NRXN1: variants seen among roughly 807,000 people sequenced by gnomAD.
The protein encoded by NRXN1 is neurexin-1.
NRXN1 carries 39 observed loss-of-function variants against 150.9 expected under a neutral mutation model. The ratio of observed to expected loss-of-function variants is 0.26; its 90% CI spans 0.20 to 0.34. NRXN1 has a LOEUF of 0.34. NRXN1 is among the 10% of genes least tolerant of loss of function. The probability of loss-of-function intolerance (pLI) is 1.00; values close to 1 mark genes in which losing one functional copy is unlikely to be tolerated. For missense variants in NRXN1, 1,815 were observed against 1,949.9 expected, an observed-to-expected ratio of 0.93 and a Z score of 1.30; for synonymous variants, 924 against 757.0, an observed-to-expected ratio of 1.22 and a Z score of -3.62.
intron 21 of NRXN1, chr2:49,970,720 G>T (rs1292646481): frequency 6.6e-6 from 1 of 152,112 alleles, no homozygotes; most frequent in Non-Finnish European, 1.5e-5. Flanking sequence ...GCTAAAGAAT[G>T]TATAAATCTA....
chr2:50,427,124 A>T (rs1183353733), intron 17 of NRXN1, among the ~76,000 whole-genome samples: 1 of 152,184 alleles, frequency 6.6e-6, no homozygotes, highest in Non-Finnish European at 1.5e-5. Flanking sequence ...TGTTTAAGAT[A>T]CTAAATCACT....
intron 8 of NRXN1, among the ~76,000 whole-genome samples, chr2:50,561,289 TTTC>T (rs1411087917): frequency 2.6e-5 from 4 of 152,212 alleles, no homozygotes; most frequent in African/African-American, 9.6e-5. Flanking sequence ...ATAACCTGAG[TTTC>T]ATTAAATAGT....
intron 17 of NRXN1, among the ~76,000 whole-genome samples, chr2:50,268,038 A>AAATC (rs1306219491): frequency 6.6e-6 from 1 of 151,972 alleles, no homozygotes; most frequent in Non-Finnish European, 1.5e-5. Flanking sequence ...AAAATACAAA[A>AAATC]AATCAGCTGG....
chr2:50,301,034 T>C (rs913410493), intron 17 of NRXN1, among the ~76,000 whole-genome samples: 4 of 152,050 alleles, frequency 2.6e-5, no homozygotes, highest in African/African-American at 9.7e-5. Context: ...GGATGCCTCA[T>C]AGGGTTAGTG....
intron 5 of NRXN1, among the ~76,000 whole-genome samples, chr2:50,899,371 A>C (rs1186712164): frequency 2.0e-5 from 3 of 152,172 alleles, no homozygotes; most frequent in Non-Finnish European, 4.4e-5. Flanking sequence ...AAATAGAATA[A>C]GGTGAGATGT....
At chr2:50,978,647 A>G (rs943238691) in intron 2 of NRXN1, among the ~76,000 whole-genome samples, 5 of 152,010 alleles carry the variant, frequency 3.3e-5, no homozygotes, top group African/African-American at 1.2e-4. Context: ...AGTTTGTTGC[A>G]TTAATGATTG....
rs561495945 is a variant in NRXN1 at position 50,639,543 on chromosome 2, AT to A, written c.833-15929del. 2.2e-3 allele frequency among the ~76,000 whole-genome samples: 341 copies of A among 152,084 alleles called. 3 individuals are homozygous for A. The highest frequency in any genetic ancestry group is 7.8e-3 in the African/African-American group (322 of 41,494). ...GACACTTTTCTGCATTTTTAATGCC[AT>A]TTTGGATAGATTTAAATGGACATCT... On this transcript the variant is annotated intron_variant, in intron 5 of 22. Transcript: ENST00000401669.
Position 50,661,325 on chromosome 2 carries a change from C to T in NRXN1, c.833-37710G>A, listed in dbSNP as rs149566547. Among the ~76,000 whole-genome samples the T allele has an allele frequency of 2.1e-3, 320 of 152,142 alleles. 5 individuals are homozygous for T. The highest frequency in any genetic ancestry group is 0.018 in the Admixed American group (268 of 15,274). The stretch of plus-strand genomic sequence containing the variant: ...ATATGTCTGTGGTCCTACTTTTAGA[C>T]GTGCATTTTTTTGTGGAGATTGCTT... On this transcript the variant is annotated intron_variant, in intron 5 of 22. Transcript: ENST00000401669.
At chr2:50,392,983 AT>A in intron 17 of NRXN1, among the ~76,000 whole-genome samples, 1 of 152,190 alleles carries the variant, frequency 6.6e-6, no homozygotes, top group East Asian at 1.9e-4. Context: ...TTTCTTTAAA[AT>A]TTGGATGACA....
chr2:50,650,182 T>G (rs1342471900), intron 5 of NRXN1, among the ~76,000 whole-genome samples: 1 of 152,012 alleles, frequency 6.6e-6, no homozygotes, highest in Non-Finnish European at 1.5e-5. Flanking sequence ...GTGAGGTAGT[T>G]AGGAAAATGC....
chr2:50,048,310 T>C (rs1266539905), intron 21 of NRXN1, among the ~76,000 whole-genome samples: 1 of 152,130 alleles, frequency 6.6e-6, no homozygotes, highest in African/African-American at 2.4e-5. Context: ...AGAAGATTGA[T>C]TGGACTAGGG....
chr2:50,963,996 AAT>A (rs1172795739), intron 2 of NRXN1: 3 of 441,316 alleles, frequency 6.8e-6, no homozygotes, highest in African/African-American at 6.1e-5. Context: ...CTTTATGAAA[AAT>A]AGAGCAACAT....
chr2:51,010,229 T>A (rs980451992), intron 2 of NRXN1, among the ~76,000 whole-genome samples: 8 of 151,978 alleles, frequency 5.3e-5, no homozygotes, highest in Admixed American at 5.3e-4. Context: ...CTTATAAATA[T>A]TTATCCTTCA....
At chr2:50,114,089 A>G (rs1482770665) in intron 18 of NRXN1, among the ~76,000 whole-genome samples, 1 of 152,094 alleles carries the variant, frequency 6.6e-6, no homozygotes. Context: ...GGGAGAAACT[A>G]TTTGCAAAAG....
chr2:50,078,552 TC>T (rs1253627041), intron 19 of NRXN1, among the ~76,000 whole-genome samples: 2 of 152,078 alleles, frequency 1.3e-5, no homozygotes, highest in Non-Finnish European at 1.5e-5. Flanking sequence ...ATGTCCTTTT[TC>T]TATTGCAGGA....
chr2:50,825,166 C>G (rs1236491373), intron 5 of NRXN1, among the ~76,000 whole-genome samples: 1 of 152,072 alleles, frequency 6.6e-6, no homozygotes, highest in Non-Finnish European at 1.5e-5. Context: ...GAATTGTAAC[C>G]GGGAAGAAGA....
At chr2:50,920,783 A>T (rs1365474900) in intron 5 of NRXN1, among the ~76,000 whole-genome samples, 1 of 151,846 alleles carries the variant, frequency 6.6e-6, no homozygotes, top group Non-Finnish European at 1.5e-5. Flanking sequence ...TATTGAAAAT[A>T]GCTGCCAAAA....
At chr2:51,009,929 T>TA (rs200115885) in intron 2 of NRXN1, among the ~76,000 whole-genome samples, 77 of 149,968 alleles carry the variant, frequency 5.1e-4, no homozygotes, top group Admixed American at 9.3e-4. Flanking sequence ...GAGACCAAGT[T>TA]AAAAAAAAAA....
At chr2:50,839,973 A>T (rs1672642025) in intron 5 of NRXN1, among the ~76,000 whole-genome samples, 1 of 152,142 alleles carries the variant, frequency 6.6e-6, no homozygotes, top group South Asian at 2.1e-4. Context: ...GCATGGCTGA[A>T]AGCTTTAAAT....
Sources: allele counts gnomAD v4.1 joint callset (sites outside exome capture counted in the v4.1 genomes callset), GRCh38; gene constraint gnomAD v4.1.1; transcripts MANE v1.5; gene names NCBI Gene and HGNC (gene_info 2026-07-23, HGNC 2026-07-21).